IGSF3: variants seen among roughly 807,000 people sequenced by gnomAD.
The protein encoded by IGSF3 is glu-Trp-Ile EWI motif-containing protein 3.
IGSF3 carries 23 observed loss-of-function variants against 114.4 expected under a neutral mutation model. The ratio of observed to expected loss-of-function variants is 0.20; its 90% CI spans 0.14 to 0.28. The LOEUF is 0.28. Among genes scored for constraint, IGSF3 ranks in the 10% least tolerant of loss-of-function variants. IGSF3 has a pLI of 1.00. For synonymous variants in IGSF3, 571 were observed against 645.2 expected (o/e 0.88, Z 1.74); for missense variants, 1,172 against 1,591.5 (o/e 0.74, Z 4.48).
chr1:116,593,719 G>A lies in IGSF3; in HGVS notation c.2030-4615C>T, dbSNP rs569353130. ...CTCCCTCCCTCTCAGCCTAGCCACA[G>A]CCAGGGGATTTCCCTAAATGGCAAA... is the stretch of plus-strand genomic sequence containing the variant. On this transcript the variant is annotated intron_variant, in intron 7 of 10. Coordinates refer to ENST00000369486, the MANE Select transcript of IGSF3 (RefSeq NM_001007237.3). The surrounding 1 kb of genome is among the most constrained non-coding windows in gnomAD (Gnocchi z 4.5). 2.0e-5 allele frequency among the ~76,000 whole-genome samples: 3 copies of A among 152,292 alleles called. No individual in the cohort carries two copies. Among genetic ancestry groups the A allele is most frequent in the Non-Finnish European group, 2.9e-5 (2 of 68,034 alleles).
Position 116,624,304 on chromosome 1 carries a change from T to G in IGSF3, c.44-7847A>C, listed in dbSNP as rs564403640. Among the ~76,000 whole-genome samples the G allele has an allele frequency of 8.5e-5, 13 of 152,284 alleles. No homozygotes were observed. The East Asian group carries it at 2.3e-3, about 27-fold the overall frequency. On this transcript the variant is annotated intron_variant, in intron 2 of 10. Transcript: ENST00000369486. This position sits in a 1 kb window ranked among gnomAD's most constrained non-coding sequence, Gnocchi z 4.9. ...AAACCTAAAGTTTGGATCGAATTCC[T>G]AAGTCTTCGCCTTCACTGACTTCCC... is the stretch of plus-strand genomic sequence containing the variant.
rs1647744252 is a variant in IGSF3, at chr1:116,634,754, C to T, written c.44-18297G>A. Among the ~76,000 whole-genome samples the T allele has an allele frequency of 6.6e-6, 1 of 152,164 alleles. No individual in the cohort carries two copies. The highest frequency in any genetic ancestry group is 1.5e-5 in the Non-Finnish European group (1 of 68,036). On this transcript the variant is annotated intron_variant, in intron 2 of 10. Transcript: ENST00000369486. This position sits in a 1 kb window ranked among gnomAD's most constrained non-coding sequence, Gnocchi z 4.2. Reference sequence around the variant, plus strand: ...CCTCTCCCTGAATCTAGGTGGGCTACAGCTCTGGTAGAAGTGACACTCTGT... The same window carrying T: ...CCTCTCCCTGAATCTAGGTGGGCTATAGCTCTGGTAGAAGTGACACTCTGT...
chr1:116,585,153 G>T lies in IGSF3; in HGVS notation c.2441-101C>A. ...GAATGGATGCCTTCCAAATACAGAA[G>T]GACGGCAGCACACACTCCATTAGGA... On this transcript the variant is annotated intron_variant, in intron 8 of 10. Transcript: ENST00000369486. The surrounding 1 kb of genome is among the most constrained non-coding windows in gnomAD (Gnocchi z 4.9). 1 of 856,398 alleles carries T rather than the reference G, an allele frequency of 1.2e-6. No individual in the cohort carries two copies. Among genetic ancestry groups the T allele is most frequent in the East Asian group, 2.5e-5 (1 of 39,748 alleles). 53.0% of individuals were successfully genotyped at this position (856,398 alleles called of 1,614,324 possible). A position where few individuals can be genotyped will look rare whatever the true frequency, so the allele number is the denominator to read the frequency against.
At position 116,589,607 on chromosome 1, in the gene IGSF3, C is replaced by G. The variant is rs1429113831; in HGVS notation, c.2030-503G>C. 6.6e-6 allele frequency among the ~76,000 whole-genome samples: 1 copy of G among 152,112 alleles called. No individual in the cohort carries two copies. The highest frequency in any genetic ancestry group is 2.4e-5 in the African/African-American group (1 of 41,424). On this transcript the variant is annotated intron_variant, in intron 7 of 10. Transcript: ENST00000369486. This position sits in a 1 kb window ranked among gnomAD's most constrained non-coding sequence, Gnocchi z 5.7. ...AGCCCTGGCCTTTGCCCTTGCTGTC[C>G]TCTCTGCCTGTCTCCTTCTGCCACC...
rs1415957895 is a variant in IGSF3, at chr1:116,600,526, C to T, written c.1625-181G>A. 6.6e-6 allele frequency among the ~76,000 whole-genome samples: 1 copy of T among 152,006 alleles called. No homozygotes were observed. ...CTGCTGAGGCCCAGTCCAAGAGTTTCCAAGACTCCAAAGAAAGGCCCACCA... is the reference window on the plus strand; with the variant it reads ...CTGCTGAGGCCCAGTCCAAGAGTTTTCAAGACTCCAAAGAAAGGCCCACCA... On this transcript the variant is annotated intron_variant, in intron 6 of 10. Transcript: ENST00000369486. The surrounding 1 kb of genome is among the most constrained non-coding windows in gnomAD (Gnocchi z 5.5).
rs1661060805 is a variant in IGSF3, at chr1:116,612,514, C to T, written c.832+1251G>A. ...CCAATTGAAGACTTCTGGGACGAAG[C>T]CCCAAAATGTATACTGTTAGCTGAG... On this transcript the variant is annotated intron_variant, in intron 4 of 10. Coordinates refer to ENST00000369486, the MANE Select transcript of IGSF3 (RefSeq NM_001007237.3). This position sits in a 1 kb window ranked among gnomAD's most constrained non-coding sequence, Gnocchi z 4.1. 6.6e-6 allele frequency among the ~76,000 whole-genome samples: 1 copy of T among 152,168 alleles called. No individual in the cohort carries two copies. The highest frequency in any genetic ancestry group is 2.1e-4 in the South Asian group (1 of 4,822).
Position 116,661,292 on chromosome 1 carries a change from C to CA in IGSF3, c.43+4991dup, listed in dbSNP as rs1055714620. The stretch of plus-strand genomic sequence containing the variant: ...TGAGCAACAGTGTGAGACTCCATCT[C>CA]AAAAAAAATAAAATAACTGAACACC... On this transcript the variant is annotated intron_variant, in intron 2 of 10. Coordinates refer to ENST00000369486, the MANE Select transcript of IGSF3 (RefSeq NM_001007237.3). The surrounding 1 kb of genome is among the most constrained non-coding windows in gnomAD (Gnocchi z 4.0). 2.6e-5 allele frequency among the ~76,000 whole-genome samples: 4 copies of CA among 151,310 alleles called. No homozygotes were observed. Among genetic ancestry groups the CA allele is most frequent in the East Asian group, 1.9e-4 (1 of 5,184 alleles).
chr1:116,579,824 C>T lies in IGSF3; in HGVS notation c.2902G>A (p.Ala968Thr). 7 of 1,613,318 alleles carry T rather than the reference C, an allele frequency of 4.3e-6. No individual in the cohort carries two copies. The highest frequency in any genetic ancestry group is 5.9e-6 in the Non-Finnish European group (7 of 1,179,926). ...VVPNATVSEK[A>T]AFQLDCSIVS... ...ATGCTACAGTCCAGCTGGAAAGCTGCCTTCTCAGAGACCGTGGCATTGGGG... is the reference window on the plus strand; with the variant it reads ...ATGCTACAGTCCAGCTGGAAAGCTGTCTTCTCAGAGACCGTGGCATTGGGG... Residue 968 changes from alanine to threonine, a missense_variant, in exon 10 of 11, where the codon GCA (alanine) becomes ACA (threonine). By Grantham distance (58) the Ala-to-Thr change is moderately conservative. Around this residue, in one of 3 missense-constraint regions of IGSF3, gnomAD observed 423 missense variants for 509.8 expected, o/e 0.83. Transcript: ENST00000369486. The surrounding 1 kb of genome is among the most constrained non-coding windows in gnomAD (Gnocchi z 6.4).
At position 116,662,837 on chromosome 1, in the gene IGSF3, C is replaced by T. The variant is rs1571201300; in HGVS notation, c.43+3447G>A. ...ACCATCTCACTTTTCTCTGCCTCCT[C>T]TTTCTCCTCTGCCTTTGATCACTCC... On this transcript the variant is annotated intron_variant, in intron 2 of 10. Coordinates refer to ENST00000369486, the MANE Select transcript of IGSF3 (RefSeq NM_001007237.3). This position sits in a 1 kb window ranked among gnomAD's most constrained non-coding sequence, Gnocchi z 4.3. Among the ~76,000 whole-genome samples, 1 of 152,210 alleles carries T rather than the reference C, an allele frequency of 6.6e-6. No homozygotes were observed. The highest frequency in any genetic ancestry group is 1.9e-4 in the East Asian group (1 of 5,194).
intron 2 of IGSF3, among the ~76,000 whole-genome samples, chr1:116,631,763 C>T (rs1647601506): frequency 6.6e-6 from 1 of 152,164 alleles, no homozygotes. Context: ...AGTGATCTTC[C>T]CCAGCCAGCC....
In IGSF3 at chr1:116,614,874, T is replaced by C. The variant is rs1220132643; in HGVS notation, c.422-699A>G. Among the ~76,000 whole-genome samples, 2 of 152,130 alleles carry C rather than the reference T, an allele frequency of 1.3e-5. No homozygotes were observed. The highest frequency in any genetic ancestry group is 2.9e-5 in the Non-Finnish European group (2 of 68,022). Reference sequence around the variant, plus strand: ...CATACCCTGATCCTTGCTTGCACCTTTCTGGAGATTAAATAGCACCACCTT... The same window carrying C: ...CATACCCTGATCCTTGCTTGCACCTCTCTGGAGATTAAATAGCACCACCTT... On this transcript the variant is annotated intron_variant, in intron 3 of 10. Transcript: ENST00000369486. The surrounding 1 kb of genome is among the most constrained non-coding windows in gnomAD (Gnocchi z 4.5).
rs1345485130 is a variant in IGSF3 at position 116,645,588 on chromosome 1, T to A, written c.43+20696A>T. ...TCAAAGTAGTGGCCCATGCTGGCTA[T>A]GACTTGGAGAAATCACATAAGCTTA... On this transcript the variant is annotated intron_variant, in intron 2 of 10. Coordinates refer to ENST00000369486, the MANE Select transcript of IGSF3 (RefSeq NM_001007237.3). Among the ~76,000 whole-genome samples the A allele has an allele frequency of 2.0e-5, 3 of 152,238 alleles. No homozygotes were observed. In the East Asian group the frequency reaches 5.8e-4, roughly 29 times the overall value.
intron 7 of IGSF3, among the ~76,000 whole-genome samples, chr1:116,590,020 C>T (rs1571126589): frequency 6.6e-6 from 1 of 151,754 alleles, no homozygotes. Flanking sequence ...AATGAGAGCA[C>T]GTTGGAGAAA....
rs1181532049 is a variant in IGSF3, at chr1:116,583,989, G to A, written c.2848+656C>T. 2.6e-5 allele frequency among the ~76,000 whole-genome samples: 4 copies of A among 152,142 alleles called. No homozygotes were observed. The East Asian group carries it at 7.7e-4, about 29-fold the overall frequency. On this transcript the variant is annotated intron_variant, in intron 9 of 10. Transcript: ENST00000369486. This position sits in a 1 kb window ranked among gnomAD's most constrained non-coding sequence, Gnocchi z 4.5. ...GGGGGTCACGAGGTCAGGAGATCGA[G>A]ACCAGCTTGGCCAACATGATGAAAC...
Position 116,618,433 on chromosome 1 carries a change from T to C in IGSF3, c.44-1976A>G, listed in dbSNP as rs1459194242. ...ACATTTCAATCAATGAGGAAACACATGTGCAACAGTGATCCTGTAAGATTA... is the reference window on the plus strand; with the variant it reads ...ACATTTCAATCAATGAGGAAACACACGTGCAACAGTGATCCTGTAAGATTA... On this transcript the variant is annotated intron_variant, in intron 2 of 10. Transcript: ENST00000369486. The surrounding 1 kb of genome is among the most constrained non-coding windows in gnomAD (Gnocchi z 4.7). Among the ~76,000 whole-genome samples, 1 of 152,238 alleles carries C rather than the reference T, an allele frequency of 6.6e-6. No homozygotes were observed. Among genetic ancestry groups the C allele is most frequent in the Non-Finnish European group, 1.5e-5 (1 of 68,052 alleles).
In IGSF3 at chr1:116,585,057, A is replaced by G. The variant is rs939410936; in HGVS notation, c.2441-5T>C. 6.6e-6 allele frequency: 10 copies of G among 1,521,824 alleles called. No homozygotes were observed. In the African/African-American group the frequency reaches 1.1e-4, roughly 17 times the overall value. The allele number at this position is 1,521,824 out of a possible 1,614,324, so 94.3% of individuals were successfully genotyped here. On this transcript the variant is annotated splice_polypyrimidine_tract_variant and splice_region_variant and intron_variant, in intron 8 of 10. Coordinates refer to ENST00000369486, the MANE Select transcript of IGSF3 (RefSeq NM_001007237.3). The surrounding 1 kb of genome is among the most constrained non-coding windows in gnomAD (Gnocchi z 4.9). ...GGCTGAGCCTCAGGCGGCTGTCTGG[A>G]ACAGTAAGGAAGAGACGTCAGCGAC...
Position 116,589,049 on chromosome 1 carries a change from C to T in IGSF3, c.2085G>A (p.Lys695=), listed in dbSNP as rs149507822. 8.1e-5 allele frequency: 131 copies of T among 1,614,160 alleles called. No individual in the cohort carries two copies. The East Asian group carries it at 2.4e-3, about 30-fold the overall frequency. The change falls in exon 8 of 11, where the codon AAG becomes AAA. Residue 695 remains lysine (K), a synonymous_variant. Transcript: ENST00000369486. The surrounding 1 kb of genome is among the most constrained non-coding windows in gnomAD (Gnocchi z 5.7). ...SKRTLTLVEN[K]PIQLNCSVKS... ...TGACTGAGCAGTTCAACTGAATGGG[C>T]TTGTTTTCCACCAGGGTGAGGGTCC...
chr1:116,599,439 T>C lies in IGSF3; in HGVS notation c.2029+502A>G, dbSNP rs139087945. On this transcript the variant is annotated intron_variant, in intron 7 of 10. Transcript: ENST00000369486. ...ACACACAAACACACAGGTTAGGGAA[T>C]TGTTCTAGATTAAAGGAGTCTAAAG... Among the ~76,000 whole-genome samples the C allele has an allele frequency of 5.6e-3, 845 of 150,968 alleles. 5 individuals carry two copies. The highest frequency in any genetic ancestry group is 8.3e-3 in the Non-Finnish European group (565 of 67,906).
chr1:116,653,586 A>C (rs776259045), intron 2 of IGSF3, among the ~76,000 whole-genome samples: 3 of 152,230 alleles, frequency 2.0e-5, no homozygotes, highest in Non-Finnish European at 4.4e-5. Context: ...GATGACGTGC[A>C]TCAGAGTCTC....
Sources: allele counts gnomAD v4.1 joint callset (sites outside exome capture counted in the v4.1 genomes callset), GRCh38; gene constraint gnomAD v4.1.1; regional missense constraint gnomAD v4.1.1; non-coding constraint Gnocchi (gnomAD v3.1); transcripts MANE v1.5; gene names NCBI Gene and HGNC (gene_info 2026-07-23, HGNC 2026-07-21).